AATF: variants seen among roughly 807,000 people sequenced by gnomAD.
AATF encodes the protein protein AATF.
AATF carries 48 observed loss-of-function variants against 63.7 expected under a neutral mutation model. The ratio of observed to expected loss-of-function variants is 0.75; its 90% CI spans 0.60 to 0.96. AATF has a LOEUF of 0.96. Ranked by LOEUF, AATF falls within the 40% of genes least tolerant of loss-of-function variation. AATF has a pLI of 0.00. For synonymous variants in AATF, 258 were observed against 247.7 expected, an observed-to-expected ratio of 1.04 and a Z score of -0.39; for missense variants, 639 against 685.7, an observed-to-expected ratio of 0.93 and a Z score of 0.76.
chr17:37,056,473 C>A, intron 11 of AATF, 128 bp from the exon 12 acceptor site: 1 of 855,870 alleles, frequency 1.2e-6, no homozygotes, highest in Non-Finnish European at 1.9e-6. Flanking sequence ...CTGTGGGGTG[C>A]ATTTTTAATT....
chr17:37,000,162 A>C (rs1029973515), intron 8 of AATF: 1 of 152,398 alleles, frequency 6.6e-6, no homozygotes, highest in South Asian at 2.1e-4. Context: ...CTCTAGTGAT[A>C]ATCCAGGCAA....
At chr17:36,953,664 G>A in intron 3 of AATF, 106 bp from the exon 4 acceptor site, 1 of 1,052,170 alleles carries the variant, frequency 9.5e-7, no homozygotes, top group South Asian at 1.6e-5. Flanking sequence ...TGCTAAAGCT[G>A]TGGTGCTTAG....
chr17:37,027,452 C>T (rs748096634), intron 10 of AATF, among the ~76,000 whole-genome samples: 2 of 151,688 alleles, frequency 1.3e-5, no homozygotes, highest in African/African-American at 2.4e-5. Flanking sequence ...TGATTTCTTC[C>T]TAAAGCCTGT....
chr17:36,953,686 G>A, intron 3 of AATF, 84 bp from the exon 4 acceptor site: 1 of 1,355,596 alleles, frequency 7.4e-7, no homozygotes, highest in East Asian at 2.3e-5. Context: ...GACTGGTGTG[G>A]TTTCCTGTTC....
chr17:37,009,757 C>T (rs2071372367), intron 8 of AATF, among the ~76,000 whole-genome samples: 3 of 126,578 alleles, frequency 2.4e-5, no homozygotes, highest in South Asian at 2.7e-4. Context: ...GCGGAGCTTG[C>T]GGTGAGCCGA....
chr17:36,998,879 G>C (rs1267528734), intron 8 of AATF: 1 of 152,184 alleles, frequency 6.6e-6, no homozygotes, highest in Non-Finnish European at 1.5e-5. Context: ...TTAAGGTGGA[G>C]AAAATAAATG....
At chr17:37,006,409 C>T (rs1390008131) in intron 8 of AATF, among the ~76,000 whole-genome samples, 7 of 152,046 alleles carry the variant, frequency 4.6e-5, no homozygotes, top group East Asian at 1.9e-4. Context: ...ACTGAGATTT[C>T]GGTGAGCTGA....
At chr17:37,042,464 G>T (rs2142314013) in intron 11 of AATF, among the ~76,000 whole-genome samples, 1 of 151,246 alleles carries the variant, frequency 6.6e-6, no homozygotes, top group African/African-American at 2.4e-5. Flanking sequence ...GCCCAGGCTG[G>T]AGTACAGTAG....
rs748592496 is a variant in AATF, at chr17:36,953,305, A to C, written c.694+9A>C. 4.4e-6 allele frequency: 7 copies of C among 1,602,342 alleles called. No homozygotes were observed. The Admixed American group carries it at 1.0e-4, about 24-fold the overall frequency. On this transcript the variant is annotated intron_variant, in intron 3 of 11. Transcript: ENST00000619387. ...CGTGAAGAACCAGATAGGTTTGTACATGGTTTTGCTGATTGCCTGTTTTTC... is the reference window on the plus strand; with the variant it reads ...CGTGAAGAACCAGATAGGTTTGTACCTGGTTTTGCTGATTGCCTGTTTTTC...
intron 4 of AATF, among the ~76,000 whole-genome samples, chr17:36,954,153 G>A (rs147445075): frequency 0.016 from 2,415 of 146,506 alleles, 69 homozygotes; most frequent in African/African-American, 0.058. Context: ...CTGCAGCCTC[G>A]TCCTCCTGGG....
At chr17:36,958,084 G>T (rs1435298578) in intron 4 of AATF, among the ~76,000 whole-genome samples, 1 of 152,132 alleles carries the variant, frequency 6.6e-6, no homozygotes, top group Non-Finnish European at 1.5e-5. Flanking sequence ...GGTAAGTCAT[G>T]GAGTAATCTT....
At chr17:37,030,944 C>G (rs2071547212) in intron 10 of AATF, among the ~76,000 whole-genome samples, 2 of 152,146 alleles carry the variant, frequency 1.3e-5, no homozygotes, top group African/African-American at 4.8e-5. Context: ...TGTCTTTAGT[C>G]TGGAATAATG....
intron 4 of AATF, among the ~76,000 whole-genome samples, chr17:36,983,768 C>T (rs1023081142): frequency 1.3e-5 from 2 of 152,072 alleles, no homozygotes; most frequent in African/African-American, 2.4e-5. Flanking sequence ...GTATGATATG[C>T]AGATTATAAA....
At chr17:36,962,061 T>A (rs777448003) in intron 4 of AATF, among the ~76,000 whole-genome samples, 1 of 152,214 alleles carries the variant, frequency 6.6e-6, no homozygotes, top group Non-Finnish European at 1.5e-5. Flanking sequence ...TTCTCATCTG[T>A]AACAGTTGTT....
intron 11 of AATF, among the ~76,000 whole-genome samples, chr17:37,046,996 C>T (rs1264876927): frequency 6.6e-6 from 1 of 152,196 alleles, no homozygotes. Flanking sequence ...CACTGGCCAA[C>T]TCTATTGCGG....
At chr17:37,032,220 G>A (rs991156933) in intron 11 of AATF, among the ~76,000 whole-genome samples, 1 of 151,992 alleles carries the variant, frequency 6.6e-6, no homozygotes, top group Admixed American at 6.6e-5. Flanking sequence ...CTATTAATTG[G>A]CATTCTATAA....
chr17:37,056,508 A>T, intron 11 of AATF, 93 bp from the exon 12 acceptor site: 1 of 1,310,690 alleles, frequency 7.6e-7, no homozygotes, highest in Non-Finnish European at 1.1e-6. Context: ...TCAACAGAAG[A>T]AACAGAATGG....
chr17:37,024,139 C>T (rs1339713707), intron 10 of AATF, among the ~76,000 whole-genome samples: 1 of 152,104 alleles, frequency 6.6e-6, no homozygotes, highest in Non-Finnish European at 1.5e-5. Context: ...ATCAGAGAGC[C>T]AACTAGTCTG....
intron 4 of AATF, among the ~76,000 whole-genome samples, chr17:36,970,812 T>A (rs2071033759): frequency 6.6e-6 from 1 of 152,030 alleles, no homozygotes; most frequent in African/African-American, 2.4e-5. Flanking sequence ...ATTACAGGCA[T>A]GAGCCACCAT....
Sources: gnomAD v4.1 joint callset for allele counts (sites outside exome capture counted in the v4.1 genomes callset) on GRCh38, gnomAD v4.1.1 for gene constraint, MANE v1.5 for transcripts, NCBI Gene and HGNC (gene_info 2026-07-23, HGNC 2026-07-21) for gene names.